The following KIF18B variants were observed in gnomAD, a reference collection of about 807,000 sequenced individuals.
KIF18B encodes the protein kinesin-like protein KIF18B.
In KIF18B, 49 loss-of-function variants were observed where a neutral mutation model predicts 80.9. The ratio of observed to expected loss-of-function variants is 0.61; its 90% CI spans 0.48 to 0.77. The LOEUF (loss-of-function observed/expected upper bound fraction) is 0.77, where lower values mean the gene tolerates loss of function less well. KIF18B is among the 30% of genes least tolerant of loss of function. KIF18B has a pLI of 0.00. For missense variants in KIF18B, 994 were observed against 1,127.7 expected (o/e 0.88, Z 1.70); for synonymous variants, 439 against 463.9 (o/e 0.95, Z 0.69).
At position 44,926,418 on chromosome 17, in the gene KIF18B, G is replaced by T; in HGVS notation, c.2448C>A (p.Leu816=). The T allele has an allele frequency of 6.4e-7, 1 of 1,572,594 alleles. No individual in the cohort carries two copies. The highest frequency in any genetic ancestry group is 2.3e-5 in the East Asian group (1 of 42,750). ...CCTGTCCCTAGTGCCAGTCACCTGG[G>T]AGTACAAGGGGCCCAGCTGGCCTCT... ...TLKRPAGPLV[L]PELPLSPLCP... The change falls in exon 15 of 16, where the codon CTC becomes CTA. Residue 816 remains leucine (L), a synonymous_variant. Coordinates refer to ENST00000593135, the MANE Select transcript of KIF18B (RefSeq NM_001265577.2).
chr17:44,941,977 T>G (rs2052429235), intron 1 of KIF18B, among the ~76,000 whole-genome samples: 1 of 152,034 alleles, frequency 6.6e-6, no homozygotes, highest in Admixed American at 6.6e-5. Context: ...GGGCACAAAG[T>G]GTGGATGACA....
At position 44,934,572 on chromosome 17, in the gene KIF18B, G is replaced by A. The variant is rs371129188; in HGVS notation, c.622C>T (p.Arg208Cys). ...TCAGTGGGGTGCTGCGTGCGGTTAC[G>A]GTTCCCCCTGGTCAGTATCTCCAGC... ...QLLEILTRGN[R>C]NRTQHPTDAN... The change falls in exon 5 of 16, where the codon CGT becomes TGT. Residue 208 changes from arginine (R) to cysteine (C), a missense_variant. By Grantham distance (180) the Arg-to-Cys change is radical. Transcript: ENST00000593135. This position sits in a 1 kb window ranked among gnomAD's most constrained non-coding sequence, Gnocchi z 5.4. 4.2e-5 allele frequency: 68 copies of A among 1,612,464 alleles called. No individual in the cohort carries two copies. Among genetic ancestry groups the A allele is most frequent in the Middle Eastern group, 1.6e-4 (1 of 6,078 alleles).
intron 1 of KIF18B, among the ~76,000 whole-genome samples, chr17:44,947,069 A>G (rs1597902710): frequency 7.6e-6 from 1 of 131,352 alleles, no homozygotes; most frequent in East Asian, 2.3e-4. Flanking sequence ...AGATCGCGCC[A>G]TTGCACTCCA....
Position 44,934,565 on chromosome 17 carries a change from C to T in KIF18B, c.629G>A (p.Arg210His), listed in dbSNP as rs2052235203. The change falls in exon 5 of 16, where the codon CGC (arginine) becomes CAC (histidine). Residue 210 changes from arginine to histidine, a missense_variant. By Grantham distance (29) the Arg-to-His change is conservative. Transcript: ENST00000593135. The surrounding 1 kb of genome is among the most constrained non-coding windows in gnomAD (Gnocchi z 5.4). ...LEILTRGNRN[R>H]TQHPTDANAT... The stretch of plus-strand genomic sequence containing the variant: ...GTTGGCATCAGTGGGGTGCTGCGTG[C>T]GGTTACGGTTCCCCCTGGTCAGTAT... 4.3e-6 allele frequency: 7 copies of T among 1,612,604 alleles called. No homozygotes were observed. The highest frequency in any genetic ancestry group is 2.2e-5 in the East Asian group (1 of 44,880).
intron 1 of KIF18B, among the ~76,000 whole-genome samples, chr17:44,939,401 A>C (rs1204139080): frequency 6.8e-6 from 1 of 146,428 alleles, no homozygotes; most frequent in Admixed American, 6.8e-5. Flanking sequence ...AAGAAACATG[A>C]ATTTGTTTCT....
At position 44,944,987 on chromosome 17, in the gene KIF18B, ATTCTT is replaced by A. The variant is rs1316120542; in HGVS notation, c.-15+2636_-15+2640del. 2.0e-5 allele frequency among the ~76,000 whole-genome samples: 3 copies of A among 152,160 alleles called. No individual in the cohort carries two copies. In the East Asian group the frequency reaches 5.8e-4, roughly 29 times the overall value. ...ATTGCCAGAGGTTTTTAAAATTATT[ATTCTT>A]TTCTAAGATACAGCATTTGACTAAA... On this transcript the variant is annotated intron_variant, in intron 1 of 15. Coordinates refer to ENST00000593135, the MANE Select transcript of KIF18B (RefSeq NM_001265577.2).
intron 1 of KIF18B, among the ~76,000 whole-genome samples, chr17:44,939,846 G>A (rs556971231): frequency 2.6e-5 from 4 of 151,630 alleles, no homozygotes; most frequent in East Asian, 1.9e-4. Flanking sequence ...ACTGAGTCTC[G>A]CTATCGCCCA....
At chr17:44,946,012 G>A (rs2052506138) in intron 1 of KIF18B, among the ~76,000 whole-genome samples, 1 of 150,726 alleles carries the variant, frequency 6.6e-6, no homozygotes, top group Non-Finnish European at 1.5e-5. Flanking sequence ...TTGAGGTCAG[G>A]AGTTCAAGAC....
rs748279829 is a variant in KIF18B at position 44,926,042 on chromosome 17, T to C, written c.*38A>G. 1 of 1,612,106 alleles carries C rather than the reference T, an allele frequency of 6.2e-7. No homozygotes were observed. The highest frequency in any genetic ancestry group is 8.5e-7 in the Non-Finnish European group (1 of 1,178,500). ...GAGGGGTATCCAGCAGAGGGGCCGG[T>C]AGGTTAGGACACCTTGGTGGTCAGG... On this transcript the variant is annotated 3_prime_UTR_variant, in exon 16 of 16. Coordinates refer to ENST00000593135, the MANE Select transcript of KIF18B (RefSeq NM_001265577.2).
intron 2 of KIF18B, among the ~76,000 whole-genome samples, chr17:44,935,691 C>T (rs1327026809): frequency 6.6e-6 from 1 of 152,164 alleles, no homozygotes; most frequent in African/African-American, 2.4e-5. Flanking sequence ...GTTGAAGGCT[C>T]ACAGTTATCT....
chr17:44,934,711 C>T lies in KIF18B; in HGVS notation c.577-94G>A, dbSNP rs1297472146. On this transcript the variant is annotated intron_variant, in intron 4 of 15. Coordinates refer to ENST00000593135, the MANE Select transcript of KIF18B (RefSeq NM_001265577.2). The surrounding 1 kb of genome is among the most constrained non-coding windows in gnomAD (Gnocchi z 5.4). ...GCTGCTCTTCAGAATCTACATCACC[C>T]CCTTGCTACCACCACCACTGCTACC... is the stretch of plus-strand genomic sequence containing the variant. The T allele has an allele frequency of 1.6e-6, 2 of 1,275,578 alleles. No individual in the cohort carries two copies. The highest frequency in any genetic ancestry group is 2.9e-5 in the South Asian group (2 of 68,810). 79.0% of individuals were successfully genotyped at this position (1,275,578 alleles called of 1,614,324 possible).
At chr17:44,938,784 C>T (rs1452633442) in intron 1 of KIF18B, among the ~76,000 whole-genome samples, 1 of 152,162 alleles carries the variant, frequency 6.6e-6, no homozygotes, top group African/African-American at 2.4e-5. Flanking sequence ...GTGGCTCATG[C>T]CTGTAATCCC....
In KIF18B at chr17:44,927,903, G is replaced by T; in HGVS notation, c.2276+123C>A. 1.1e-6 allele frequency: 1 copy of T among 890,076 alleles called. No individual in the cohort carries two copies. The highest frequency in any genetic ancestry group is 1.6e-6 in the Non-Finnish European group (1 of 627,342). 55.1% of individuals were successfully genotyped at this position (890,076 alleles called of 1,614,324 possible). ...GGGAGCAAAGCGGATCACAACCAAA[G>T]TGGAACAGATAGGAACCGTCCCAGC... On this transcript the variant is annotated intron_variant, in intron 13 of 15. Transcript: ENST00000593135. The surrounding 1 kb of genome is among the most constrained non-coding windows in gnomAD (Gnocchi z 4.1).
Position 44,935,110 on chromosome 17 carries a change from G to A in KIF18B, c.471+149C>T, listed in dbSNP as rs918086202. ...GGGTGAACAGGCGGGTGTCTCTAGT[G>A]CAGCATCTCACTGAGCAGTATCTAT... On this transcript the variant is annotated intron_variant, in intron 3 of 15. Coordinates refer to ENST00000593135, the MANE Select transcript of KIF18B (RefSeq NM_001265577.2). 5.4e-6 allele frequency: 5 copies of A among 930,218 alleles called. No individual in the cohort carries two copies. The East Asian group carries it at 1.3e-4, about 25-fold the overall frequency. The allele number at this position is 930,218 out of a possible 1,614,324, so 57.6% of individuals were successfully genotyped here.
Position 44,939,264 on chromosome 17 carries a change from G to A in KIF18B, c.-14-2906C>T, listed in dbSNP as rs150664082. ...CGGGCGCCTGTAATCGCAGCTACTC[G>A]GAAGGCTGAGGTAGGAGAACCGCTT... is the stretch of plus-strand genomic sequence containing the variant. On this transcript the variant is annotated intron_variant, in intron 1 of 15. Coordinates refer to ENST00000593135, the MANE Select transcript of KIF18B (RefSeq NM_001265577.2). Among the ~76,000 whole-genome samples the A allele has an allele frequency of 1.6e-3, 231 of 147,162 alleles. 2 individuals carry two copies. The East Asian group carries it at 0.023, about 15-fold the overall frequency.
intron 1 of KIF18B, among the ~76,000 whole-genome samples, chr17:44,942,551 G>A (rs1340432628): frequency 1.3e-5 from 2 of 152,214 alleles, no homozygotes; most frequent in Non-Finnish European, 2.9e-5. Context: ...TATTTTTACA[G>A]GCGATGCTGT....
In KIF18B at chr17:44,928,239, C is replaced by T. The variant is rs781349464; in HGVS notation, c.2063G>A (p.Arg688His). The T allele has an allele frequency of 1.1e-5, 18 of 1,613,280 alleles. No homozygotes were observed. Among genetic ancestry groups the T allele is most frequent in the Middle Eastern group, 1.6e-4 (1 of 6,078 alleles). ...TTTGATGACTGTGGCTGGGCAAACG[C>T]GAGGGGAATGGCAGGGGGAGGAGGC... ...ERASSPCHSP[R>H]VCPATVIKSR... Residue 688 changes from arginine (R) to histidine (H), a missense_variant, in exon 13 of 16, where the codon CGC (arginine) becomes CAC (histidine). Transcript: ENST00000593135.
At chr17:44,946,075 AT>A (rs1400065215) in intron 1 of KIF18B, among the ~76,000 whole-genome samples, 3 of 148,842 alleles carry the variant, frequency 2.0e-5, no homozygotes, top group African/African-American at 7.6e-5. Context: ...AAAAAAAAAA[AT>A]TGTAAATGTG....
chr17:44,926,492 CTG>C lies in KIF18B; in HGVS notation c.2372_2373del (p.Ser791CysfsTer36). On this transcript the variant is annotated frameshift_variant, in exon 15 of 16. Transcript: ENST00000593135. LOFTEE classifies it high-confidence loss of function. The stretch of plus-strand genomic sequence containing the variant: ...GCGATGCGGCTGCGGCCATGGGAGA[CTG>C]AGGAACTGAGGGAGGAAAGGAGGGA... ...ACKKKRVASSSVSHGRSRIAR... is the reference protein window; with the variant it reads ...ACKKKRVASSXVSHGRSRIAR... The C allele has an allele frequency of 6.3e-7, 1 of 1,583,672 alleles. No homozygotes were observed.
Sources: allele counts gnomAD v4.1 joint callset (sites outside exome capture counted in the v4.1 genomes callset), GRCh38; gene constraint gnomAD v4.1.1; non-coding constraint Gnocchi (gnomAD v3.1); transcripts MANE v1.5; gene names NCBI Gene and HGNC (gene_info 2026-07-23, HGNC 2026-07-21).